The following RAD51AP1 variants were observed in gnomAD, a reference collection of about 807,000 sequenced individuals.
RAD51AP1 encodes the protein RAD51-associated protein 1.
A neutral mutation model predicts 34.3 loss-of-function variants in RAD51AP1; 14 were observed. The observed-to-expected ratio is 0.41, with a 90% CI of 0.27 to 0.64. RAD51AP1 has a LOEUF of 0.64. Among genes scored for constraint, RAD51AP1 ranks in the 30% least tolerant of loss-of-function variants. The pLI is 0.33. For synonymous variants in RAD51AP1, 114 were observed against 129.8 expected (o/e 0.88, Z 0.83); for missense variants, 348 against 386.9 (o/e 0.90, Z 0.84).
chr12:4,539,705 G>T (rs77327306), intron 1 of RAD51AP1, among the ~76,000 whole-genome samples: 5,504 of 152,200 alleles, frequency 0.036, 331 homozygotes, highest in African/African-American at 0.12. Flanking sequence ...AGGAGCCAAG[G>T]CCCCATACTT....
intron 1 of RAD51AP1, 45 bp from the exon 2 acceptor site, chr12:4,541,839 G>A (rs568470840): frequency 2.4e-5 from 25 of 1,059,528 alleles, no homozygotes; most frequent in Non-Finnish European, 7.9e-6. Context: ...ATAGTGGTGA[G>A]AAATTGACAT....
Position 4,541,207 on chromosome 12 carries a change from G to T in RAD51AP1, c.18-677G>T, listed in dbSNP as rs576317525. Among the ~76,000 whole-genome samples, 33 of 152,220 alleles carry T rather than the reference G, an allele frequency of 2.2e-4. 2 individuals carry two copies. In the South Asian group the frequency reaches 6.4e-3, roughly 30 times the overall value. ...TCAGATTTTAGATTTTCAGATTTGG[G>T]ATGCTCAGCTGGTAAGTATATAATG... On this transcript the variant is annotated intron_variant, in intron 1 of 8. Transcript: ENST00000352618.
intron 7 of RAD51AP1, among the ~76,000 whole-genome samples, chr12:4,554,845 A>G (rs1368248471): frequency 6.6e-6 from 1 of 152,240 alleles, no homozygotes; most frequent in Non-Finnish European, 1.5e-5. Context: ...GCTGTCCAAT[A>G]TGGTAACCTC....
At chr12:4,544,652 C>T (rs956449455) in intron 3 of RAD51AP1, among the ~76,000 whole-genome samples, 2 of 151,818 alleles carry the variant, frequency 1.3e-5, no homozygotes, top group Admixed American at 1.3e-4. Flanking sequence ...AAAAAGGAAC[C>T]CACACGTGGG....
intron 5 of RAD51AP1, among the ~76,000 whole-genome samples, chr12:4,548,395 G>A (rs1168361361): frequency 6.6e-6 from 1 of 152,136 alleles, no homozygotes; most frequent in African/African-American, 2.4e-5. Context: ...CTTCTAGTTG[G>A]AGCAACTGAC....
chr12:4,557,727 G>A (rs1206707492), intron 8 of RAD51AP1, among the ~76,000 whole-genome samples: 1 of 152,164 alleles, frequency 6.6e-6, no homozygotes, highest in African/African-American at 2.4e-5. Context: ...TGCTTATCAA[G>A]TCAGCATGTG....
intron 4 of RAD51AP1, 60 bp downstream of exon 4, chr12:4,546,478 G>C: frequency 8.1e-7 from 1 of 1,241,464 alleles, no homozygotes; most frequent in Non-Finnish European, 1.2e-6. Context: ...GTGATTATTT[G>C]TTTGGGTGGG....
chr12:4,541,243 A>G (rs750281489), intron 1 of RAD51AP1, among the ~76,000 whole-genome samples: 14 of 152,216 alleles, frequency 9.2e-5, no homozygotes, highest in Non-Finnish European at 1.5e-4. Context: ...CAGATATTCC[A>G]AAATCTGAAA....
chr12:4,548,226 C>T (rs1944521075), intron 5 of RAD51AP1, 48 bp downstream of exon 5: 6 of 1,572,654 alleles, frequency 3.8e-6, no homozygotes, highest in Non-Finnish European at 5.1e-6. Flanking sequence ...TGCTGTTTCT[C>T]TGACTTTTGT....
At position 4,553,160 on chromosome 12, in the gene RAD51AP1, C is replaced by T; in HGVS notation, c.721+13C>T. 1 of 1,508,254 alleles carries T rather than the reference C, an allele frequency of 6.6e-7. No homozygotes were observed. The highest frequency in any genetic ancestry group is 8.8e-7 in the Non-Finnish European group (1 of 1,130,238). 93.4% of individuals were successfully genotyped at this position (1,508,254 alleles called of 1,614,324 possible). A position where few individuals can be genotyped will look rare whatever the true frequency, so the allele number is the denominator to read the frequency against. On this transcript the variant is annotated intron_variant, in intron 7 of 8. Coordinates refer to ENST00000352618, the MANE Select transcript of RAD51AP1 (RefSeq NM_006479.5). Reference sequence around the variant, plus strand: ...TGTAATGCTTTGGGTAAGCTTGGTCCAAAACACTTAATTTTATAAAGGAAA... The same window carrying T: ...TGTAATGCTTTGGGTAAGCTTGGTCTAAAACACTTAATTTTATAAAGGAAA...
intron 6 of RAD51AP1, among the ~76,000 whole-genome samples, chr12:4,550,282 T>A (rs2137271985): frequency 6.6e-6 from 1 of 152,366 alleles, no homozygotes; most frequent in African/African-American, 2.4e-5. Flanking sequence ...GGCCTACTGT[T>A]TATCCTCTTG....
Position 4,543,759 on chromosome 12 carries a change from A to G in RAD51AP1, c.68-4A>G. On this transcript the variant is annotated splice_polypyrimidine_tract_variant and splice_region_variant and intron_variant, in intron 2 of 8. Transcript: ENST00000352618. ...TCTTTTGGTTTTAATTCACACATGA[A>G]TAGATGATTTTGTTTCTGCAACTGT... The G allele has an allele frequency of 2.5e-6, 4 of 1,572,372 alleles. No homozygotes were observed. The highest frequency in any genetic ancestry group is 2.6e-6 in the Non-Finnish European group (3 of 1,158,940).
At chr12:4,540,877 T>C (rs977717832) in intron 1 of RAD51AP1, among the ~76,000 whole-genome samples, 3 of 152,192 alleles carry the variant, frequency 2.0e-5, no homozygotes, top group African/African-American at 7.2e-5. Flanking sequence ...ATTGTCTGAG[T>C]TGTGAGCTGA....
rs569288235 is a variant in RAD51AP1, at chr12:4,544,050, A to AT, written c.209+153dup. 1,676 of 564,774 alleles carry AT rather than the reference A, an allele frequency of 3.0e-3. 6 individuals carry two copies. Among genetic ancestry groups the AT allele is most frequent in the Non-Finnish European group, 3.5e-3 (1,217 of 346,822 alleles). 35.0% of individuals were successfully genotyped at this position (564,774 alleles called of 1,614,324 possible). A position where few individuals can be genotyped will look rare whatever the true frequency, so the allele number is the denominator to read the frequency against. On this transcript the variant is annotated intron_variant, in intron 3 of 8. Transcript: ENST00000352618. ...GTGCAGTCAGAAAACAGGACGTACT[A>AT]TTTTTTTCTGGCTTTCTGACTTAAA...
chr12:4,548,194 TAATA>T lies in RAD51AP1; in HGVS notation c.406+18_406+21del. On this transcript the variant is annotated intron_variant, in intron 5 of 8. Coordinates refer to ENST00000352618, the MANE Select transcript of RAD51AP1 (RefSeq NM_006479.5). ...GATTATTTAGGTAAGTTTTTTATATTAATAATTTTTCTCATCAACAATGCTGTTT... is the reference window on the plus strand; with the variant it reads ...GATTATTTAGGTAAGTTTTTTATATTATTTTTCTCATCAACAATGCTGTTT... 1 of 1,584,320 alleles carries T rather than the reference TAATA, an allele frequency of 6.3e-7. No homozygotes were observed. The highest frequency in any genetic ancestry group is 8.5e-7 in the Non-Finnish European group (1 of 1,171,544).
chr12:4,552,867 T>C (rs958497956), intron 6 of RAD51AP1, 116 bp from the exon 7 acceptor site: 2 of 928,186 alleles, frequency 2.2e-6, no homozygotes, highest in African/African-American at 3.5e-5. Context: ...AGTGTTCTGC[T>C]ACTGGAAACA....
In RAD51AP1 at chr12:4,558,901, G is replaced by A. The variant is rs1944601466; in HGVS notation, c.916G>A (p.Val306Met). 6.2e-7 allele frequency: 1 copy of A among 1,614,144 alleles called. No homozygotes were observed. Among genetic ancestry groups the A allele is most frequent in the South Asian group, 1.1e-5 (1 of 91,090 alleles). Residue 306 changes from valine (V) to methionine (M), a missense_variant, in exon 9 of 9, where the codon GTG (valine) becomes ATG (methionine). Transcript: ENST00000352618. The part of the protein sequence containing the change: ...SRSSSSPLVV[V>M]SVKSPNQSLR... ...AAGTAGCAGCAGCCCACTGGTGGTA[G>A]TGTCTGTGAAGTCTCCCAATCAGAG...
intron 6 of RAD51AP1, among the ~76,000 whole-genome samples, chr12:4,549,797 C>A (rs992511129): frequency 6.6e-6 from 1 of 152,262 alleles, no homozygotes; most frequent in African/African-American, 2.4e-5. Context: ...ATGTCTGGTC[C>A]CAAGCACCTC....
At chr12:4,548,626 A>T in intron 5 of RAD51AP1, 61 bp from the exon 6 acceptor site, 1 of 1,548,156 alleles carries the variant, frequency 6.5e-7, no homozygotes, top group Non-Finnish European at 8.8e-7. Flanking sequence ...TCTGGTCTGC[A>T]GTTCTTGAAA....
Sources: gnomAD v4.1 joint callset for allele counts (sites outside exome capture counted in the v4.1 genomes callset) on GRCh38, gnomAD v4.1.1 for gene constraint, MANE v1.5 for transcripts, NCBI Gene and HGNC (gene_info 2026-07-23, HGNC 2026-07-21) for gene names.